The following TEX11 variants were observed in gnomAD, a reference collection of about 807,000 sequenced individuals.
The protein encoded by TEX11 is testis expressed 11.
In TEX11, 7 loss-of-function variants were observed where a neutral mutation model predicts 84.4. The observed-to-expected ratio is 0.08, with a 90% CI of 0.05 to 0.16. The LOEUF (loss-of-function observed/expected upper bound fraction) is 0.16. Among genes scored for constraint, TEX11 ranks in the 10% least tolerant of loss-of-function variants. The probability of loss-of-function intolerance (pLI) is 1.00; values close to 1 mark genes in which losing one functional copy is unlikely to be tolerated. For synonymous variants in TEX11, 264 were observed against 222.8 expected (o/e 1.18, Z -1.64); for missense variants, 551 against 660.5 (o/e 0.83, Z 1.82).
chrX:70,790,796 C>G (rs1185715182), intron 9 of TEX11, among the ~76,000 whole-genome samples: 4 of 112,031 alleles, frequency 3.6e-5, no homozygotes, highest in Non-Finnish European at 7.5e-5. Flanking sequence ...TGCACTTCAG[C>G]CCCGCTAGGA....
intron 2 of TEX11, among the ~76,000 whole-genome samples, chrX:70,882,533 C>T (rs2091688928): frequency 9.0e-6 from 1 of 111,362 alleles, no homozygotes; most frequent in Non-Finnish European, 1.9e-5. Flanking sequence ...GTAATCCTAA[C>T]AGTTTGGGAG....
chrX:70,706,863 A>T (rs1339049584), intron 13 of TEX11, among the ~76,000 whole-genome samples: 1 of 111,044 alleles, frequency 9.0e-6, no homozygotes, highest in Non-Finnish European at 1.9e-5. Flanking sequence ...AAATTCTTGC[A>T]TATTATTGCT....
intron 13 of TEX11, among the ~76,000 whole-genome samples, chrX:70,705,657 G>A (rs1469787123): frequency 1.8e-5 from 2 of 111,606 alleles, no homozygotes; most frequent in Admixed American, 9.5e-5. Context: ...AAGGATATGA[G>A]CAGACACTTC....
rs925728141 is a variant in TEX11 at position 70,552,396 on chromosome X, A to C, written c.2400-150T>G. On this transcript the variant is annotated intron_variant, in intron 27 of 29. Coordinates refer to ENST00000374333, the MANE Select transcript of TEX11 (RefSeq NM_031276.3). Reference sequence around the variant, plus strand: ...GTTTTATCTGGCCTCCAACCTCAGAAGACAGATTTTTGAAGCTGTAAAACA... The same window carrying C: ...GTTTTATCTGGCCTCCAACCTCAGACGACAGATTTTTGAAGCTGTAAAACA... 4.4e-5 allele frequency: 29 copies of C among 663,998 alleles called. No homozygotes were observed. The African/African-American group carries it at 5.4e-4, about 12-fold the overall frequency. The allele number at this position is 663,998 out of a possible 1,213,427, so 54.7% of individuals were successfully genotyped here.
At chrX:70,633,908 T>A (rs1299345518) in intron 17 of TEX11, among the ~76,000 whole-genome samples, 1 of 110,584 alleles carries the variant, frequency 9.0e-6, no homozygotes, top group Non-Finnish European at 1.9e-5. Flanking sequence ...ACAGAACAGG[T>A]CTCGAAACAG....
intron 2 of TEX11, among the ~76,000 whole-genome samples, chrX:70,894,503 G>A (rs2091756719): frequency 1.8e-5 from 2 of 110,128 alleles, no homozygotes; most frequent in South Asian, 4.0e-4. Context: ...GCGCATGCCT[G>A]TAGTCCCAGC....
chrX:70,595,143 G>A (rs960152299), intron 24 of TEX11, among the ~76,000 whole-genome samples: 12 of 111,273 alleles, frequency 1.1e-4, no homozygotes, highest in East Asian at 5.6e-4. Flanking sequence ...GTGCAATGGC[G>A]CGATCTTGGC....
chrX:70,652,147 A>G (rs1006498961), intron 16 of TEX11, among the ~76,000 whole-genome samples: 3 of 111,258 alleles, frequency 2.7e-5, no homozygotes, highest in African/African-American at 9.8e-5. Flanking sequence ...ACAATCCATG[A>G]GGTGTAATAC....
At chrX:70,843,444 T>C (rs1452452152) in intron 7 of TEX11, among the ~76,000 whole-genome samples, 3 of 111,877 alleles carry the variant, frequency 2.7e-5, no homozygotes, top group Admixed American at 1.9e-4. Flanking sequence ...TTACACCTTA[T>C]ACAAAAATTA....
chrX:70,701,205 A>T (rs778287056), intron 13 of TEX11, among the ~76,000 whole-genome samples: 3 of 112,466 alleles, frequency 2.7e-5, no homozygotes, highest in Non-Finnish European at 3.8e-5. Context: ...AGAAGATGCC[A>T]TCTAGAACTT....
At chrX:70,519,610 G>A in the TEX11 span, among the ~76,000 whole-genome samples, 5 of 111,337 alleles carry the variant, frequency 4.5e-5, no homozygotes, top group African/African-American at 1.6e-4. Flanking sequence ...CTCTTCTAGA[G>A]GAGTATCTTA....
intron 25 of TEX11, among the ~76,000 whole-genome samples, chrX:70,567,305 A>G (rs2088502133): frequency 9.1e-6 from 1 of 110,197 alleles, no homozygotes; most frequent in Non-Finnish European, 1.9e-5. Context: ...TTTCTTCCTT[A>G]TTAGTCTTGC....
At chrX:70,705,130 C>G (rs1262995202) in intron 13 of TEX11, among the ~76,000 whole-genome samples, 2 of 111,058 alleles carry the variant, frequency 1.8e-5, no homozygotes, top group Non-Finnish European at 3.8e-5. Context: ...ATTTCTGAGG[C>G]CTCTGTTCTG....
downstream of TEX11, among the ~76,000 whole-genome samples, chrX:70,526,519 A>G (rs2087824279): frequency 9.3e-6 from 1 of 107,804 alleles, no homozygotes; most frequent in Non-Finnish European, 1.9e-5. Context: ...CAGTGTGCCG[A>G]GATAGTGCCA....
chrX:70,585,442 T>C lies in TEX11; in HGVS notation c.2140+6309A>G, dbSNP rs746374798. Among the ~76,000 whole-genome samples, 4 of 112,004 alleles carry C rather than the reference T, an allele frequency of 3.6e-5. No individual in the cohort carries two copies. The South Asian group carries it at 1.5e-3, about 42-fold the overall frequency. ...TAAGATGTCAACATTTCAAAACTTA[T>C]ATCACGCTAAGCGATCCCTATCAAA... On this transcript the variant is annotated intron_variant, in intron 25 of 29. Coordinates refer to ENST00000374333, the MANE Select transcript of TEX11 (RefSeq NM_031276.3).
chrX:70,784,553 G>A (rs2091064764), intron 9 of TEX11, among the ~76,000 whole-genome samples: 1 of 111,578 alleles, frequency 9.0e-6, no homozygotes, highest in Non-Finnish European at 1.9e-5. Flanking sequence ...TCTGTTTGCA[G>A]GTGACATGAT....
intron 9 of TEX11, among the ~76,000 whole-genome samples, chrX:70,750,472 G>T (rs1257651159): frequency 9.0e-6 from 1 of 110,925 alleles, no homozygotes; most frequent in Admixed American, 9.6e-5. Flanking sequence ...ACACGCATAC[G>T]TATGTTTATT....
At chrX:70,721,402 G>A (rs1384525970) in intron 13 of TEX11, among the ~76,000 whole-genome samples, 1 of 111,372 alleles carries the variant, frequency 9.0e-6, no homozygotes, top group African/African-American at 3.3e-5. Context: ...GAAGAAGGAA[G>A]GATAAAAGCA....
At chrX:70,511,362 G>A in the TEX11 span, among the ~76,000 whole-genome samples, 10 of 112,262 alleles carry the variant, frequency 8.9e-5, no homozygotes, top group Non-Finnish European at 1.5e-4. Context: ...TATGGCCTCT[G>A]CCCTTACAGA....
Sources: allele counts gnomAD v4.1 joint callset (sites outside exome capture counted in the v4.1 genomes callset), GRCh38; gene constraint gnomAD v4.1.1; transcripts MANE v1.5; gene names NCBI Gene and HGNC (gene_info 2026-07-23, HGNC 2026-07-21).